HSDL2: variants seen among roughly 807,000 people sequenced by gnomAD.
HSDL2 encodes the protein hydroxysteroid dehydrogenase-like protein 2.
A neutral mutation model predicts 46.3 loss-of-function variants in HSDL2; 27 were observed. The observed-to-expected ratio is 0.58, with a 90% CI of 0.43 to 0.80. The LOEUF (loss-of-function observed/expected upper bound fraction) is 0.80, where lower values mean the gene tolerates loss of function less well. Ranked by LOEUF, HSDL2 falls within the 30% of genes least tolerant of loss-of-function variation. HSDL2 has a pLI of 0.00. For synonymous variants in HSDL2, 153 were observed against 163.6 expected (o/e 0.94, Z 0.50); for missense variants, 451 against 502.7 (o/e 0.90, Z 0.98).
chr9:112,438,115 G>A (rs1374947962), intron 6 of HSDL2, among the ~76,000 whole-genome samples: 4 of 152,156 alleles, frequency 2.6e-5, no homozygotes, highest in African/African-American at 4.8e-5. Flanking sequence ...GGTGGCGCAC[G>A]CCTGTAATCC....
chr9:112,383,631 A>G (rs1831151187), intron 1 of HSDL2, among the ~76,000 whole-genome samples: 1 of 152,132 alleles, frequency 6.6e-6, no homozygotes, highest in Admixed American at 6.6e-5. Flanking sequence ...ATTCTTGCAC[A>G]TATAGCGCTC....
At chr9:112,402,956 A>C (rs541355179) in intron 1 of HSDL2, among the ~76,000 whole-genome samples, 70 of 151,786 alleles carry the variant, frequency 4.6e-4, no homozygotes, top group South Asian at 8.3e-4. Context: ...AAGAAAAAAA[A>C]ACACACACAC....
At chr9:112,450,570 A>G (rs1343792435) in intron 8 of HSDL2, among the ~76,000 whole-genome samples, 1 of 146,102 alleles carries the variant, frequency 6.8e-6, no homozygotes, top group Non-Finnish European at 1.5e-5. Context: ...TGGAGGTTGC[A>G]ATGGGCTGAG....
chr9:112,391,011 A>C (rs943166478), intron 1 of HSDL2, among the ~76,000 whole-genome samples: 7 of 151,836 alleles, frequency 4.6e-5, no homozygotes, highest in Admixed American at 3.3e-4. Flanking sequence ...CCCTGTCTCT[A>C]CTAAAAATAC....
intron 4 of HSDL2, among the ~76,000 whole-genome samples, chr9:112,410,774 A>G (rs1831845074): frequency 6.6e-6 from 1 of 152,186 alleles, no homozygotes; most frequent in Non-Finnish European, 1.5e-5. Context: ...AAAAAATAGA[A>G]AAATTAGCTG....
chr9:112,430,923 G>A (rs1294111099), intron 6 of HSDL2, among the ~76,000 whole-genome samples: 2 of 151,746 alleles, frequency 1.3e-5, no homozygotes, highest in Non-Finnish European at 2.9e-5. Context: ...ATGGTGACGC[G>A]TGCCTGTAGT....
chr9:112,380,272 C>G (rs1303727907), intron 1 of HSDL2, 92 bp downstream of exon 1: 3 of 1,319,348 alleles, frequency 2.3e-6, no homozygotes, highest in East Asian at 5.3e-5. Flanking sequence ...CTGGCCGGCC[C>G]GGCTGTGGGA....
Position 112,461,479 on chromosome 9 carries a change from CAATG to C in HSDL2, c.1144+1907_1144+1910del, listed in dbSNP as rs1192552467. On this transcript the variant is annotated intron_variant, in intron 10 of 10. Coordinates refer to ENST00000398805, the MANE Select transcript of HSDL2 (RefSeq NM_032303.5). Reference sequence around the variant, plus strand: ...GCTTTGGACACATTTAATAAACGCTCAATGAATGTTTGGTGAATCGGAATCTTAT... The same window carrying C: ...GCTTTGGACACATTTAATAAACGCTCAATGTTTGGTGAATCGGAATCTTAT... Among the ~76,000 whole-genome samples the C allele has an allele frequency of 3.9e-5, 6 of 152,262 alleles. No individual in the cohort carries two copies. In the East Asian group the frequency reaches 9.6e-4, roughly 24 times the overall value.
intron 10 of HSDL2, among the ~76,000 whole-genome samples, chr9:112,462,337 G>A (rs1460088723): frequency 1.3e-5 from 2 of 152,068 alleles, no homozygotes; most frequent in Admixed American, 1.3e-4. Flanking sequence ...GGTGGCACAT[G>A]CCTGTAATTC....
intron 8 of HSDL2, among the ~76,000 whole-genome samples, chr9:112,445,900 C>T (rs1023075745): frequency 2.0e-5 from 3 of 152,108 alleles, no homozygotes; most frequent in Admixed American, 6.5e-5. Flanking sequence ...ATCATATATC[C>T]CACACATGCA....
intron 3 of HSDL2, among the ~76,000 whole-genome samples, chr9:112,406,764 G>A (rs757783165): frequency 2.4e-4 from 37 of 152,086 alleles, no homozygotes; most frequent in Non-Finnish European, 4.3e-4. Context: ...CACCGTGCCC[G>A]GCCTCTCTGA....
chr9:112,391,359 G>C (rs931088378), intron 1 of HSDL2, among the ~76,000 whole-genome samples: 1 of 151,844 alleles, frequency 6.6e-6, no homozygotes, highest in Non-Finnish European at 1.5e-5. Flanking sequence ...CGTAGTTCCA[G>C]GTACTTGGGA....
chr9:112,381,120 C>CACACACACACACACACACA (rs1275956966), intron 1 of HSDL2, among the ~76,000 whole-genome samples: 3 of 152,034 alleles, frequency 2.0e-5, no homozygotes, highest in African/African-American at 7.3e-5. Flanking sequence ...CACACACATA[C>CACACACACACACACACACA]CCTTTCTTAA....
chr9:112,393,976 G>A (rs1347447903), intron 1 of HSDL2, among the ~76,000 whole-genome samples: 5 of 152,210 alleles, frequency 3.3e-5, no homozygotes, highest in South Asian at 2.1e-4. Flanking sequence ...GAGGAGCAGC[G>A]TGGCAATGCC....
chr9:112,433,755 G>T (rs1370296642), intron 6 of HSDL2: 1 of 152,244 alleles, frequency 6.6e-6, no homozygotes, highest in Admixed American at 6.5e-5. Context: ...AGACGACAGC[G>T]TAGAGTGACT....
chr9:112,436,091 A>G (rs998572659), intron 6 of HSDL2, among the ~76,000 whole-genome samples: 14 of 151,460 alleles, frequency 9.2e-5, no homozygotes, highest in Non-Finnish European at 2.1e-4. Flanking sequence ...CCTGGGAAAC[A>G]TAGCAGGACC....
chr9:112,386,174 C>T (rs1048500241), intron 1 of HSDL2, among the ~76,000 whole-genome samples: 1 of 152,076 alleles, frequency 6.6e-6, no homozygotes, highest in Non-Finnish European at 1.5e-5. Context: ...TTTAACCCCA[C>T]AAGTATTATT....
rs10981394 is a variant in HSDL2, at chr9:112,405,610, A to G, written c.182-14A>G. On this transcript the variant is annotated splice_polypyrimidine_tract_variant and intron_variant, in intron 2 of 10. Transcript: ENST00000398805. ...ATGCTTTAACGCTTTTTCATTTTGT[A>G]TCCTTTATATAAGTTGAAGCAGTTG... 8.4e-3 allele frequency: 13,056 copies of G among 1,554,160 alleles called. 88 individuals carry two copies. Among genetic ancestry groups the G allele is most frequent in the Middle Eastern group, 0.03 (180 of 5,912 alleles).
In HSDL2 at chr9:112,405,676, ACAG is replaced by A. The variant is rs751212339; in HGVS notation, c.238_240del (p.Gln80del). The A allele has an allele frequency of 1.9e-6, 3 of 1,613,508 alleles. No individual in the cohort carries two copies. Among genetic ancestry groups the A allele is most frequent in the Non-Finnish European group, 2.5e-6 (3 of 1,179,686 alleles). On this transcript the variant is annotated inframe_deletion, in exon 3 of 11. Transcript: ENST00000398805. ...CATGTATTGTTGATGTGAGAGATGA[ACAG>A]CAGATCAGTGCTGCAGTGGAGAAAG...
Sources: gnomAD v4.1 joint callset for allele counts (sites outside exome capture counted in the v4.1 genomes callset) on GRCh38, gnomAD v4.1.1 for gene constraint, MANE v1.5 for transcripts, NCBI Gene and HGNC (gene_info 2026-07-23, HGNC 2026-07-21) for gene names.